CLIC1: variants seen among roughly 807,000 people sequenced by gnomAD.
The protein encoded by CLIC1 is chloride intracellular channel protein 1.
CLIC1 carries 16 observed loss-of-function variants against 26.4 expected under a neutral mutation model. The observed-to-expected ratio is 0.61, with a 90% confidence interval of 0.41 to 0.92. The LOEUF is 0.92. Among genes scored for constraint, CLIC1 ranks in the 40% least tolerant of loss-of-function variants. CLIC1 has a pLI of 0.00. For synonymous variants in CLIC1, 98 were observed against 120.8 expected, an observed-to-expected ratio of 0.81 and a Z score of 1.24; for missense variants, 225 against 289.7, an observed-to-expected ratio of 0.78 and a Z score of 1.62.
Position 31,733,779 on chromosome 6 carries a change from T to A in CLIC1, c.275+57A>T. On this transcript the variant is annotated intron_variant, in intron 3 of 5. Transcript: ENST00000375784. This position sits in a 1 kb window ranked among gnomAD's most constrained non-coding sequence, Gnocchi z 5.4. ...ATCTCTGTTTTCCATTTCTGCAAAC[T>A]GTCTGTTTCCCAGAATCTCCCTGCT... is the stretch of plus-strand genomic sequence containing the variant. The A allele has an allele frequency of 6.2e-7, 1 of 1,607,458 alleles. No individual in the cohort carries two copies. Among genetic ancestry groups the A allele is most frequent in the Non-Finnish European group, 8.5e-7 (1 of 1,174,318 alleles).
chr6:31,735,807 CCACACACACACACACA>C (rs9281564), intron 1 of CLIC1, among the ~76,000 whole-genome samples: 7 of 124,894 alleles, frequency 5.6e-5, no homozygotes, highest in African/African-American at 1.2e-4. Context: ...GCGTCTCCAT[CCACACACACACACACA>C]CACACACACA....
upstream of CLIC1, chr6:31,736,692 C>T (rs566616498): frequency 1.4e-5 from 15 of 1,062,322 alleles, no homozygotes; most frequent in South Asian, 2.1e-4. This position sits in a 1 kb window ranked among gnomAD's most constrained non-coding sequence, Gnocchi z 5.0. Flanking sequence ...CTCCTTGTTT[C>T]TCCGACCTCT....
rs755629420 is a variant in CLIC1 at position 31,736,235 on chromosome 6, G to A, written c.39+27C>T. The A allele has an allele frequency of 1.2e-6, 2 of 1,611,938 alleles. No individual in the cohort carries two copies. The highest frequency in any genetic ancestry group is 4.5e-5 in the East Asian group (2 of 44,848). Reference sequence around the variant, plus strand: ...GTGAGAGTTGGCTTCCAGGAATTTGGGTGGCTGAGGAGAGAAGTGTTCTTA... The same window carrying A: ...GTGAGAGTTGGCTTCCAGGAATTTGAGTGGCTGAGGAGAGAAGTGTTCTTA... On this transcript the variant is annotated intron_variant, in intron 1 of 5. Coordinates refer to ENST00000375784, the Ensembl canonical transcript of CLIC1. The surrounding 1 kb of genome is among the most constrained non-coding windows in gnomAD (Gnocchi z 5.0).
chr6:31,731,584 G>C (rs1807952825), intron 5 of CLIC1, among the ~76,000 whole-genome samples: 1 of 152,226 alleles, frequency 6.6e-6, no homozygotes. Flanking sequence ...TTATAGGCGT[G>C]AGCCACCACG....
rs898733860 is a variant in CLIC1 at position 31,732,607 on chromosome 6, A to G, written c.383-209T>C. 6.6e-6 allele frequency among the ~76,000 whole-genome samples: 1 copy of G among 151,990 alleles called. No individual in the cohort carries two copies. Among genetic ancestry groups the G allele is most frequent in the Non-Finnish European group, 1.5e-5 (1 of 68,006 alleles). Reference sequence around the variant, plus strand: ...GTTGCCCAGGCTGGAGTGCAGTGGCATGATCCCGGCTCACTGCAACCTCTG... The same window carrying G: ...GTTGCCCAGGCTGGAGTGCAGTGGCGTGATCCCGGCTCACTGCAACCTCTG... On this transcript the variant is annotated intron_variant, in intron 4 of 5. Coordinates refer to ENST00000375784, the Ensembl canonical transcript of CLIC1. This position sits in a 1 kb window ranked among gnomAD's most constrained non-coding sequence, Gnocchi z 5.0.
chr6:31,732,114 A>G lies in CLIC1; in HGVS notation c.564+103T>C. On this transcript the variant is annotated intron_variant, in intron 5 of 5. Coordinates refer to ENST00000375784, the Ensembl canonical transcript of CLIC1. The surrounding 1 kb of genome is among the most constrained non-coding windows in gnomAD (Gnocchi z 5.0). The stretch of plus-strand genomic sequence containing the variant: ...GTAGCAATTTATGAAAACCACCCTA[A>G]GAAAGAAATCGTCTTTAGAGTGGTT... The G allele has an allele frequency of 9.8e-7, 1 of 1,018,998 alleles. No homozygotes were observed. Among genetic ancestry groups the G allele is most frequent in the Non-Finnish European group, 1.3e-6 (1 of 741,506 alleles). The allele number at this position is 1,018,998 out of a possible 1,614,324, so 63.1% of individuals were successfully genotyped here.
Position 31,733,873 on chromosome 6 carries a change from T to C in CLIC1, c.238A>G (p.Ile80Val), listed in dbSNP as rs1808153124. The change falls in exon 3 of 6, where the codon ATT (isoleucine) becomes GTT (valine). Residue 80 changes from isoleucine to valine, a missense_variant. Coordinates refer to ENST00000375784, the Ensembl canonical transcript of CLIC1. The surrounding 1 kb of genome is among the most constrained non-coding windows in gnomAD (Gnocchi z 5.4). ...AGCACTGCCTCCAGAAATTCCTCAA[T>C]CTTGTTGGTGTCTGTGTGCACTTCA... The C allele has an allele frequency of 6.2e-7, 1 of 1,614,030 alleles. No individual in the cohort carries two copies. Among genetic ancestry groups the C allele is most frequent in the East Asian group, 2.2e-5 (1 of 44,874 alleles).
rs1367896458 is a variant in CLIC1, at chr6:31,734,241, A to G, written c.62T>C (p.Ile21Thr). 6.2e-6 allele frequency: 10 copies of G among 1,613,982 alleles called. No homozygotes were observed. The highest frequency in any genetic ancestry group is 5.3e-5 in the African/African-American group (4 of 74,912). The stretch of plus-strand genomic sequence containing the variant: ...TCTCTGGGAGAATGGGCAGTTCCCA[A>G]TCTTGGCCCCATCACTGCCAGCCTG... The change falls in exon 2 of 6, where the codon ATT becomes ACT. Residue 21 changes from isoleucine to threonine, a missense_variant. Ile to Thr is a moderately conservative substitution (Grantham distance 89). Transcript: ENST00000375784. The surrounding 1 kb of genome is among the most constrained non-coding windows in gnomAD (Gnocchi z 5.3).
At position 31,733,692 on chromosome 6, in the gene CLIC1, A is replaced by G; in HGVS notation, c.276-20T>C. On this transcript the variant is annotated intron_variant, in intron 3 of 5. Coordinates refer to ENST00000375784, the Ensembl canonical transcript of CLIC1. The surrounding 1 kb of genome is among the most constrained non-coding windows in gnomAD (Gnocchi z 5.4). Reference sequence around the variant, plus strand: ...GGGTACCTGAAAGCCAATGGGAAAAATGAGGTAAGATGTCTTCCTGGGAGG... The same window carrying G: ...GGGTACCTGAAAGCCAATGGGAAAAGTGAGGTAAGATGTCTTCCTGGGAGG... 1 of 1,611,466 alleles carries G rather than the reference A, an allele frequency of 6.2e-7. No homozygotes were observed. The highest frequency in any genetic ancestry group is 8.5e-7 in the Non-Finnish European group (1 of 1,178,442).
At chr6:31,736,784 C>T (rs1808360436), upstream of CLIC1, 2 of 992,422 alleles carry the variant, frequency 2.0e-6, no homozygotes, top group Non-Finnish European at 2.4e-6. This position sits in a 1 kb window ranked among gnomAD's most constrained non-coding sequence, Gnocchi z 5.0. Context: ...ATATAAAAAA[C>T]TTGACACTAA....
At position 31,730,779 on chromosome 6, in the gene CLIC1, T is replaced by A; in HGVS notation, c.*63A>T. The A allele has an allele frequency of 6.4e-7, 1 of 1,569,182 alleles. No individual in the cohort carries two copies. The highest frequency in any genetic ancestry group is 8.7e-7 in the Non-Finnish European group (1 of 1,144,188). On this transcript the variant is annotated 3_prime_UTR_variant, in exon 6 of 6. Transcript: ENST00000375784. The surrounding 1 kb of genome is among the most constrained non-coding windows in gnomAD (Gnocchi z 5.1). ...TTGGAGTGTGTCCATTGGGTAGCAATGTGGAAACCACCAGGGCCTTTGTGG... is the reference window on the plus strand; with the variant it reads ...TTGGAGTGTGTCCATTGGGTAGCAAAGTGGAAACCACCAGGGCCTTTGTGG...
chr6:31,731,127 G>A, intron 5 of CLIC1, 124 bp from the exon 6 acceptor site: 1 of 717,248 alleles, frequency 1.4e-6, no homozygotes, highest in Non-Finnish European at 2.2e-6. Context: ...ACTGTCGTTA[G>A]CCTTCCTTCT....
Position 31,733,645 on chromosome 6 carries a change from A to G in CLIC1, c.303T>C (p.Pro101=), listed in dbSNP as rs1429344994. 3 of 1,613,092 alleles carry G rather than the reference A, an allele frequency of 1.9e-6. No individual in the cohort carries two copies. Among genetic ancestry groups the G allele is most frequent in the Non-Finnish European group, 2.5e-6 (3 of 1,180,022 alleles). ...TGTCCAGCCCAGCTGTGTTGGACTCAGGGTTCAGAGCTGCCAGCTTGGGGT... is the reference window on the plus strand; with the variant it reads ...TGTCCAGCCCAGCTGTGTTGGACTCGGGGTTCAGAGCTGCCAGCTTGGGGT... Residue 101 remains proline, a synonymous_variant, in exon 4 of 6, where the codon CCT becomes CCC. Coordinates refer to ENST00000375784, the Ensembl canonical transcript of CLIC1. The surrounding 1 kb of genome is among the most constrained non-coding windows in gnomAD (Gnocchi z 5.4).
rs1808207167 is a variant in CLIC1, at chr6:31,734,526, T to G, written c.40-263A>C. On this transcript the variant is annotated intron_variant, in intron 1 of 5. Transcript: ENST00000375784. The surrounding 1 kb of genome is among the most constrained non-coding windows in gnomAD (Gnocchi z 5.3). Reference sequence around the variant, plus strand: ...GTAGAGGGAGGAGGTCCTGGAGAACTTGGGAGGATCTGAATCCTAGAGAGG... The same window carrying G: ...GTAGAGGGAGGAGGTCCTGGAGAACGTGGGAGGATCTGAATCCTAGAGAGG... 6.6e-6 allele frequency among the ~76,000 whole-genome samples: 1 copy of G among 152,154 alleles called. No individual in the cohort carries two copies. The highest frequency in any genetic ancestry group is 6.5e-5 in the Admixed American group (1 of 15,286).
At position 31,733,809 on chromosome 6, in the gene CLIC1, C is replaced by G. The variant is rs1369869904; in HGVS notation, c.275+27G>C. 1 of 1,613,130 alleles carries G rather than the reference C, an allele frequency of 6.2e-7. No homozygotes were observed. The highest frequency in any genetic ancestry group is 1.7e-5 in the Admixed American group (1 of 60,012). Reference sequence around the variant, plus strand: ...GTTTCCCAGAATCTCCCTGCTCCACCTCTCCACTTTCTGAGTGCCCCTATA... The same window carrying G: ...GTTTCCCAGAATCTCCCTGCTCCACGTCTCCACTTTCTGAGTGCCCCTATA... On this transcript the variant is annotated intron_variant, in intron 3 of 5. Coordinates refer to ENST00000375784, the Ensembl canonical transcript of CLIC1. This position sits in a 1 kb window ranked among gnomAD's most constrained non-coding sequence, Gnocchi z 5.4.
chr6:31,733,560 A>G lies in CLIC1; in HGVS notation c.382+6T>C. On this transcript the variant is annotated splice_donor_region_variant and intron_variant, in intron 4 of 5. Coordinates refer to ENST00000375784, the Ensembl canonical transcript of CLIC1. The surrounding 1 kb of genome is among the most constrained non-coding windows in gnomAD (Gnocchi z 5.4). Reference sequence around the variant, plus strand: ...AGGACCCAGGCCTCTGACCCACAAGACTCACTGTCATTGAGTGCTGGGTTT... The same window carrying G: ...AGGACCCAGGCCTCTGACCCACAAGGCTCACTGTCATTGAGTGCTGGGTTT... The G allele has an allele frequency of 6.2e-7, 1 of 1,609,696 alleles. No individual in the cohort carries two copies. The highest frequency in any genetic ancestry group is 8.5e-7 in the Non-Finnish European group (1 of 1,177,526).
rs763475647 is a variant in CLIC1, at chr6:31,733,960, G to T, written c.151C>A (p.Arg51=). The T allele has an allele frequency of 6.2e-7, 1 of 1,612,142 alleles. No homozygotes were observed. The highest frequency in any genetic ancestry group is 1.7e-4 in the Middle Eastern group (1 of 6,060). The change falls in exon 3 of 6, where the codon CGG becomes AGG. Residue 51 remains arginine (R), a splice_region_variant and synonymous_variant. Coordinates refer to ENST00000375784, the Ensembl canonical transcript of CLIC1. The surrounding 1 kb of genome is among the most constrained non-coding windows in gnomAD (Gnocchi z 5.4). ...CACAGCTTCTGCACTGTCTCGGTCC[G>T]CCTGGAGAAAGGATCAGGAATCAGG...
chr6:31,732,218 T>A lies in CLIC1; in HGVS notation c.563A>T (p.Gln188Leu). Residue 188 changes from glutamine to leucine, a missense_variant and splice_region_variant, in exon 5 of 6, where the codon CAG becomes CTG. Gln to Leu is a moderately radical substitution (Grantham distance 113, BLOSUM62 -2). Transcript: ENST00000375784. The surrounding 1 kb of genome is among the most constrained non-coding windows in gnomAD (Gnocchi z 5.0). The stretch of plus-strand genomic sequence containing the variant: ...TCTCCTCCCGCAATAACCACACACC[T>A]GTACTATGTGTAACTTTGGCAACAG... 3 of 1,538,538 alleles carry A rather than the reference T, an allele frequency of 1.9e-6. No homozygotes were observed. Among genetic ancestry groups the A allele is most frequent in the Non-Finnish European group, 2.6e-6 (3 of 1,141,912 alleles).
chr6:31,730,884 C>T lies in CLIC1; in HGVS notation c.684G>A (p.Glu228=), dbSNP rs1303254186. The T allele has an allele frequency of 1.2e-6, 2 of 1,612,996 alleles. No individual in the cohort carries two copies. The highest frequency in any genetic ancestry group is 1.7e-5 in the Admixed American group (1 of 60,010). The stretch of plus-strand genomic sequence containing the variant: ...CCACTTGCTCATAGGCGAGCTCGAT[C>T]TCCTCATCATCTGGACAGGTGGAAG... Residue 228 remains glutamate (E), a synonymous_variant, in exon 6 of 6, where the codon GAG becomes GAA. Transcript: ENST00000375784. This position sits in a 1 kb window ranked among gnomAD's most constrained non-coding sequence, Gnocchi z 5.1.
Sources: allele counts gnomAD v4.1 joint callset (sites outside exome capture counted in the v4.1 genomes callset), GRCh38; gene constraint gnomAD v4.1.1; non-coding constraint Gnocchi (gnomAD v3.1); transcripts MANE v1.5; gene names NCBI Gene and HGNC (gene_info 2026-07-23, HGNC 2026-07-21).